The following AK6 variants were observed in gnomAD, a reference collection of about 807,000 sequenced individuals.
The protein encoded by AK6 is adenylate kinase 6, also known as adenylate kinase isoenzyme 6.
A neutral mutation model predicts 23.7 loss-of-function variants in AK6; 24 were observed. The ratio of observed to expected loss-of-function variants is 1.01; its 90% CI spans 0.73 to 1.43. AK6 has a LOEUF of 1.43. Ranked by LOEUF, AK6 falls within the 40% of genes most tolerant of loss-of-function variation. The pLI is 0.00. For missense variants in AK6, 191 were observed against 199.1 expected, an observed-to-expected ratio of 0.96 and a Z score of 0.24; for synonymous variants, 73 against 69.8, an observed-to-expected ratio of 1.05 and a Z score of -0.23.
chr5:69,365,760 G>A (rs1762393793), intron 2 of AK6: 2 of 1,498,746 alleles, frequency 1.3e-6, no homozygotes, highest in South Asian at 2.9e-5. Context: ...TCAGACTTTA[G>A]ATCATTTGAA....
intron 2 of AK6, among the ~76,000 whole-genome samples, chr5:69,363,590 C>G (rs544610928): frequency 6.6e-6 from 1 of 151,948 alleles, no homozygotes; most frequent in South Asian, 2.1e-4. Flanking sequence ...CGAGACCAAC[C>G]TGGTTAACAC....
chr5:69,351,961 G>C lies in AK6; in HGVS notation c.*100C>G, dbSNP rs1211886018. ...TATATACTATCCACCTGCTGGTTCT[G>C]CAACATGATTTTAATAAAGTGTTAC... On this transcript the variant is annotated 3_prime_UTR_variant, in exon 5 of 5. Transcript: ENST00000380822. 1.8e-5 allele frequency: 19 copies of C among 1,037,992 alleles called. No individual in the cohort carries two copies. Among genetic ancestry groups the C allele is most frequent in the Non-Finnish European group, 2.5e-5 (18 of 727,290 alleles). 64.3% of individuals were successfully genotyped at this position (1,037,992 alleles called of 1,614,324 possible). A position where few individuals can be genotyped will look rare whatever the true frequency, so the allele number is the denominator to read the frequency against.
chr5:69,357,824 G>A (rs1167339427), intron 2 of AK6, among the ~76,000 whole-genome samples: 1 of 151,938 alleles, frequency 6.6e-6, no homozygotes, highest in Admixed American at 6.6e-5. Flanking sequence ...TGAACAATAA[G>A]AAAAGTTAAA....
chr5:69,361,850 C>T (rs1171395911), intron 2 of AK6, among the ~76,000 whole-genome samples: 1 of 151,788 alleles, frequency 6.6e-6, no homozygotes, highest in African/African-American at 2.4e-5. Context: ...AGGTGATCCA[C>T]CCGCCTCGGC....
chr5:69,361,461 C>T (rs944914736), intron 2 of AK6, among the ~76,000 whole-genome samples: 3 of 151,166 alleles, frequency 2.0e-5, no homozygotes, highest in African/African-American at 7.3e-5. Context: ...TTTTTTGAGA[C>T]GGAATCTCTC....
chr5:69,365,497 G>C (rs758231853), intron 2 of AK6: 1 of 1,614,050 alleles, frequency 6.2e-7, no homozygotes, highest in South Asian at 1.1e-5. Context: ...GTAAAAGACT[G>C]ATCAGCGCGG....
intron 2 of AK6, among the ~76,000 whole-genome samples, chr5:69,363,877 C>CAGG (rs1339541007): frequency 1.3e-5 from 2 of 151,814 alleles, no homozygotes; most frequent in Non-Finnish European, 2.9e-5. Context: ...CACTTGAGGC[C>CAGG]AGGAGTTCAA....
intron 2 of AK6, chr5:69,364,958 GTCA>G (rs138635374): frequency 2.7e-4 from 437 of 1,609,740 alleles, no homozygotes; most frequent in South Asian, 8.4e-4. Flanking sequence ...GATTATCATA[GTCA>G]TCATCATCAT....
chr5:69,360,220 AC>A (rs1762194524), intron 2 of AK6, among the ~76,000 whole-genome samples: 1 of 152,190 alleles, frequency 6.6e-6, no homozygotes, highest in Non-Finnish European at 1.5e-5. Context: ...AGAAAGAGAT[AC>A]TGAAGAAGTC....
intron 1 of AK6, chr5:69,368,710 A>AT (rs1467372586): frequency 6.6e-5 from 10 of 152,152 alleles, no homozygotes; most frequent in Non-Finnish European, 1.5e-4. Flanking sequence ...CATGCATTAG[A>AT]TTTTTCCACG....
At chr5:69,354,562 C>G (rs1370732024) in intron 4 of AK6, among the ~76,000 whole-genome samples, 1 of 152,192 alleles carries the variant, frequency 6.6e-6, no homozygotes, top group Non-Finnish European at 1.5e-5. Flanking sequence ...GATCAAAAGA[C>G]AGTGGGGATA....
chr5:69,369,602 C>G, upstream of AK6: 1 of 1,585,422 alleles, frequency 6.3e-7, no homozygotes, highest in South Asian at 1.1e-5. Context: ...GGCCCCGAAG[C>G]CCACCGCGGC....
chr5:69,356,777 T>C (rs1762094856), intron 2 of AK6, among the ~76,000 whole-genome samples: 1 of 152,244 alleles, frequency 6.6e-6, no homozygotes, highest in African/African-American at 2.4e-5. Context: ...ACAGTATCTT[T>C]ACTTCTAGAT....
At chr5:69,365,404 C>G in intron 2 of AK6, 1 of 1,614,196 alleles carries the variant, frequency 6.2e-7, no homozygotes, top group Non-Finnish European at 8.5e-7. Context: ...AACCTAGGAC[C>G]TGAATATGGC....
At chr5:69,364,649 T>A in intron 2 of AK6, 1 of 498,270 alleles carries the variant, frequency 2.0e-6, no homozygotes, top group Non-Finnish European at 3.6e-6. Context: ...TAGACTGCAG[T>A]ACTGCAAATT....
At chr5:69,361,098 G>A (rs774609845) in intron 2 of AK6, among the ~76,000 whole-genome samples, 1 of 152,178 alleles carries the variant, frequency 6.6e-6, no homozygotes, top group Non-Finnish European at 1.5e-5. Context: ...AAGTGAGGAG[G>A]AGTCTTGAGA....
rs942170867 is a variant in AK6 at position 69,351,994 on chromosome 5, T to C, written c.*67A>G. On this transcript the variant is annotated 3_prime_UTR_variant, in exon 5 of 5. Transcript: ENST00000380822. ...ATTTTAATAAAGTGTTACTGACACT[T>C]GAACAATTTCTATGATGTCGGCAGA... 2 of 1,403,266 alleles carry C rather than the reference T, an allele frequency of 1.4e-6. No homozygotes were observed. Among genetic ancestry groups the C allele is most frequent in the African/African-American group, 1.4e-5 (1 of 70,106 alleles). The allele number at this position is 1,403,266 out of a possible 1,614,324, so 86.9% of individuals were successfully genotyped here.
At chr5:69,358,300 TC>T (rs1180130368) in intron 2 of AK6, among the ~76,000 whole-genome samples, 9 of 151,940 alleles carry the variant, frequency 5.9e-5, no homozygotes, top group Non-Finnish European at 7.4e-5. Flanking sequence ...AGGTGGTTGA[TC>T]ACCTGTGGTC....
intron 4 of AK6, among the ~76,000 whole-genome samples, chr5:69,352,917 C>T (rs1761984489): frequency 1.3e-5 from 2 of 152,166 alleles, no homozygotes; most frequent in South Asian, 4.1e-4. Context: ...GAGAAATAAA[C>T]ACATGATGTC....
Sources: gnomAD v4.1 joint callset for allele counts (sites outside exome capture counted in the v4.1 genomes callset) on GRCh38, gnomAD v4.1.1 for gene constraint, MANE v1.5 for transcripts, NCBI Gene and HGNC (gene_info 2026-07-23, HGNC 2026-07-21) for gene names.